F8: variants seen among roughly 807,000 people sequenced by gnomAD.
The protein encoded by F8 is coagulation factor VIII.
In F8, 12 loss-of-function variants were observed where a neutral mutation model predicts 140.6. The observed-to-expected ratio is 0.09, with a 90% confidence interval of 0.05 to 0.14. The LOEUF (loss-of-function observed/expected upper bound fraction) is 0.14. Ranked by LOEUF, F8 falls within the 10% of genes least tolerant of loss-of-function variation. The pLI is 1.00. For missense variants in F8, 1,354 were observed against 1,720.7 expected, an observed-to-expected ratio of 0.79 and a Z score of 3.77; for synonymous variants, 585 against 614.6, an observed-to-expected ratio of 0.95 and a Z score of 0.71.
intron 1 of F8, among the ~76,000 whole-genome samples, chrX:155,001,124 C>T (rs2073643996): frequency 1.8e-5 from 2 of 110,755 alleles, no homozygotes; most frequent in African/African-American, 6.6e-5. Context: ...TCAGGAGCAG[C>T]CACACTGGAG....
chrX:154,933,292 T>C (rs967119912), intron 13 of F8, among the ~76,000 whole-genome samples: 3 of 110,626 alleles, frequency 2.7e-5, no homozygotes, highest in Non-Finnish European at 5.7e-5. Flanking sequence ...ACAAAGAAAA[T>C]GAAAATAATT....
chrX:155,000,703 C>T (rs1019631685), intron 1 of F8, among the ~76,000 whole-genome samples: 2 of 112,282 alleles, frequency 1.8e-5, no homozygotes, highest in Non-Finnish European at 3.8e-5. Context: ...TAACAAAACA[C>T]ATCAGACATA....
chrX:154,899,695 C>T (rs2073000017), intron 21 of F8, among the ~76,000 whole-genome samples, 171 bp downstream of exon 21: 3 of 112,098 alleles, frequency 2.7e-5, no homozygotes, highest in African/African-American at 9.7e-5. Context: ...TATCAATATA[C>T]TCAATTCTAT....
rs1557278295 is a variant in F8, at chrX:154,928,789, C to T, written c.5001G>A (p.Arg1667=). ...ACTGAAGAGTAGTACGAGTTATTTC[C>T]CGTTGATGGCGTTTCAAGACTGGTG... is the stretch of plus-strand genomic sequence containing the variant. ...QNPPVLKRHQ[R]EITRTTLQSD... Residue 1667 remains arginine (R), a synonymous_variant, in exon 14 of 26, where the codon CGG becomes CGA. Transcript: ENST00000360256. The T allele has an allele frequency of 8.3e-7, 1 of 1,211,394 alleles. No homozygotes were observed. The highest frequency in any genetic ancestry group is 1.8e-5 in the South Asian group (1 of 56,962).
intron 11 of F8, among the ~76,000 whole-genome samples, chrX:154,956,259 A>T (rs951051127): frequency 1.8e-5 from 2 of 112,071 alleles, no homozygotes; most frequent in African/African-American, 6.5e-5. Context: ...CACAAGCTTT[A>T]CAAACAATTT....
intron 11 of F8, among the ~76,000 whole-genome samples, chrX:154,955,017 G>A (rs782132039): frequency 5.4e-5 from 6 of 110,552 alleles, no homozygotes; most frequent in Admixed American, 9.7e-5. Flanking sequence ...TTCTGGGGCC[G>A]AGCAATGAGT....
intron 6 of F8, among the ~76,000 whole-genome samples, chrX:154,981,910 A>T (rs1557283626): frequency 1.8e-5 from 2 of 112,048 alleles, no homozygotes; most frequent in Non-Finnish European, 3.8e-5. Flanking sequence ...AGATGGCCGG[A>T]TGCAGTGGCT....
intron 22 of F8, chrX:154,887,258 TG>T: frequency 1.4e-6 from 1 of 693,592 alleles, no homozygotes; most frequent in Non-Finnish European, 2.0e-6. Flanking sequence ...GCCCAGACCC[TG>T]GAGAAGTACT....
chrX:154,838,847 A>C (rs2072494890), intron 25 of F8, among the ~76,000 whole-genome samples: 1 of 110,329 alleles, frequency 9.1e-6, no homozygotes, highest in South Asian at 3.8e-4. Flanking sequence ...ATCTAGCTAC[A>C]TTTTCCCCCT....
chrX:154,933,358 G>C (rs1557278987), intron 13 of F8, among the ~76,000 whole-genome samples: 1 of 111,887 alleles, frequency 8.9e-6, no homozygotes, highest in Non-Finnish European at 1.9e-5. Context: ...TTCTGACATA[G>C]GTATAAGCTA....
At chrX:154,910,066 GA>G (rs1484404230) in intron 14 of F8, among the ~76,000 whole-genome samples, 3 of 111,731 alleles carry the variant, frequency 2.7e-5, no homozygotes, top group African/African-American at 9.8e-5. Context: ...TCTGTACTAA[GA>G]AAAATTCTTC....
In F8 at chrX:154,896,210, A is replaced by T. The variant is rs1603432784; in HGVS notation, c.6296T>A (p.Ile2099Asn). ...ACCCTGGGTCTTGATGCCGTGAATA[A>T]TCATTGGTGCCAACAGATCCACCTA... is the stretch of plus-strand genomic sequence containing the variant. ...WIKVDLLAPM[I>N]IHGIKTQGAR... Residue 2099 changes from isoleucine (I) to asparagine (N), a missense_variant, in exon 22 of 26, where the codon ATT becomes AAT. Ile to Asn is a moderately radical substitution (Grantham distance 149). Transcript: ENST00000360256. The T allele has an allele frequency of 8.3e-7, 1 of 1,211,378 alleles. No homozygotes were observed. Among genetic ancestry groups the T allele is most frequent in the South Asian group, 1.8e-5 (1 of 56,974 alleles).
chrX:154,861,789 T>C lies in F8; in HGVS notation c.6652A>G (p.Met2218Val), dbSNP rs782627131. ...QITASSYFTN[M>V]FATWSPSKAR... ...TTTGAAGGAGACCAGGTGGCAAACA[T>C]ATTGGTAAAGTAGGATGAAGCAGTA... Residue 2218 changes from methionine (M) to valine (V), a missense_variant, in exon 24 of 26, where the codon ATG (methionine) becomes GTG (valine). Met to Val is a conservative substitution (Grantham distance 21, BLOSUM62 1). Around this residue, in one of 4 missense-constraint regions of F8, gnomAD observed 316 missense variants for 485.4 expected, o/e 0.65. Transcript: ENST00000360256. The C allele has an allele frequency of 4.9e-5, 59 of 1,209,755 alleles. No individual in the cohort carries two copies. In the Middle Eastern group the frequency reaches 6.9e-4, roughly 14 times the overall value.
At chrX:154,870,873 A>T (rs1328251746) in intron 22 of F8, among the ~76,000 whole-genome samples, 1 of 112,274 alleles carries the variant, frequency 8.9e-6, no homozygotes. Flanking sequence ...ATCAATGTAC[A>T]AAAATCACAA....
intron 12 of F8, among the ~76,000 whole-genome samples, chrX:154,952,178 A>C (rs2073340767): frequency 8.9e-6 from 1 of 112,621 alleles, no homozygotes; most frequent in Admixed American, 9.4e-5. Context: ...GCTGGAGAGA[A>C]GAGGGAGAAA....
At position 154,929,453 on chromosome X, in the gene F8, C is replaced by G; in HGVS notation, c.4337G>C (p.Gly1446Ala). ...TAAGAAATGACTGCTTTCTTGGACCCCAGAATCTTTCTTTCTATAAGATGC... is the reference window on the plus strand; with the variant it reads ...TAAGAAATGACTGCTTTCTTGGACCGCAGAATCTTTCTTTCTATAAGATGC... ...PAASYRKKDS[G>A]VQESSHFLQG... Residue 1446 changes from glycine (G) to alanine (A), a missense_variant, in exon 14 of 26, where the codon GGG becomes GCG. Gly to Ala is a moderately conservative substitution (Grantham distance 60). Transcript: ENST00000360256. The G allele has an allele frequency of 8.3e-7, 1 of 1,211,304 alleles. No homozygotes were observed. Among genetic ancestry groups the G allele is most frequent in the Non-Finnish European group, 1.1e-6 (1 of 895,352 alleles).
chrX:154,858,119 A>T (rs1311040211), intron 25 of F8, among the ~76,000 whole-genome samples: 1 of 112,215 alleles, frequency 8.9e-6, no homozygotes, highest in Non-Finnish European at 1.9e-5. Context: ...AGCCTGGGCA[A>T]CAGAGCAAGA....
chrX:155,004,643 T>C (rs2073666945), intron 1 of F8, among the ~76,000 whole-genome samples: 1 of 112,458 alleles, frequency 8.9e-6, no homozygotes, highest in Non-Finnish European at 1.9e-5. Flanking sequence ...GGCTCTGATA[T>C]GTCACCATTT....
intron 6 of F8, 121 bp from the exon 7 acceptor site, chrX:154,969,673 C>T (rs1164862872): frequency 3.4e-6 from 2 of 592,760 alleles, no homozygotes; most frequent in Middle Eastern, 4.6e-4. Flanking sequence ...GACTTGTAAA[C>T]AAATTTATCA....
Sources: allele counts gnomAD v4.1 joint callset (sites outside exome capture counted in the v4.1 genomes callset), GRCh38; gene constraint gnomAD v4.1.1; regional missense constraint gnomAD v4.1.1; transcripts MANE v1.5; gene names NCBI Gene and HGNC (gene_info 2026-07-23, HGNC 2026-07-21).